PAQR5: variants seen among roughly 807,000 people sequenced by gnomAD.
PAQR5 encodes the protein membrane progestin receptor gamma.
A neutral mutation model predicts 34.5 loss-of-function variants in PAQR5; 20 were observed. That is an observed-to-expected ratio of 0.58 (90% CI 0.41 to 0.84). The LOEUF (loss-of-function observed/expected upper bound fraction) is 0.84. PAQR5 is among the 40% of genes least tolerant of loss of function. The pLI, the probability that PAQR5 is intolerant of heterozygous loss-of-function variation, is 0.00. For missense variants in PAQR5, 378 were observed against 412.7 expected (o/e 0.92, Z 0.73); for synonymous variants, 131 against 155.6 (o/e 0.84, Z 1.18).
chr15:69,302,765 G>A (rs557039191), intron 1 of PAQR5, among the ~76,000 whole-genome samples: 177 of 152,206 alleles, frequency 1.2e-3, no homozygotes, highest in Non-Finnish European at 2.0e-3. Context: ...GCTCAAGCCC[G>A]TGAACAAACC....
chr15:69,346,501 T>G (rs2054776797), intron 2 of PAQR5, among the ~76,000 whole-genome samples: 2 of 151,940 alleles, frequency 1.3e-5, no homozygotes, highest in South Asian at 4.2e-4. Flanking sequence ...GGTATCACTA[T>G]GTTGCCCAGG....
intron 3 of PAQR5, among the ~76,000 whole-genome samples, chr15:69,378,437 A>AC (rs1491128141): frequency 3.2e-4 from 1 of 3,086 alleles, no homozygotes; most frequent in Non-Finnish European, 1.4e-3. Context: ...ACCCTGTCTC[A>AC]AAAAAAAAAA....
At chr15:69,348,389 A>G (rs2054827062) in intron 2 of PAQR5, among the ~76,000 whole-genome samples, 1 of 152,198 alleles carries the variant, frequency 6.6e-6, no homozygotes, top group African/African-American at 2.4e-5. Context: ...TTGCACAGGA[A>G]ACGGTGAAGC....
At chr15:69,309,552 G>A (rs1394050728) in intron 1 of PAQR5, among the ~76,000 whole-genome samples, 3 of 152,144 alleles carry the variant, frequency 2.0e-5, no homozygotes, top group African/African-American at 7.2e-5. Context: ...GATCTCACTG[G>A]GAAGAGTTTT....
intron 4 of PAQR5, among the ~76,000 whole-genome samples, chr15:69,380,531 G>A (rs1457324700): frequency 6.6e-6 from 1 of 152,202 alleles, no homozygotes; most frequent in Non-Finnish European, 1.5e-5. Context: ...ACAACTGGGA[G>A]GCACTTGGTC....
At chr15:69,313,440 C>T (rs2053873422) in intron 1 of PAQR5, among the ~76,000 whole-genome samples, 1 of 151,934 alleles carries the variant, frequency 6.6e-6, no homozygotes, top group African/African-American at 2.4e-5. Context: ...GCTGAAGCTG[C>T]AGTGAGCTGT....
At position 69,344,292 on chromosome 15, in the gene PAQR5, G is replaced by A. The variant is rs1414557474; in HGVS notation, c.-116+6791G>A. ...AGTGTTTATCTGGGCTCATTCAGAG[G>A]AGTGGCCTCTTTGGGGTATACCATA... On this transcript the variant is annotated intron_variant, in intron 2 of 8. Transcript: ENST00000395407. Among the ~76,000 whole-genome samples the A allele has an allele frequency of 2.0e-5, 3 of 152,198 alleles. No individual in the cohort carries two copies. The East Asian group carries it at 5.8e-4, about 29-fold the overall frequency.
At chr15:69,399,276 G>C (rs1413647525) in intron 7 of PAQR5, among the ~76,000 whole-genome samples, 1 of 152,158 alleles carries the variant, frequency 6.6e-6, no homozygotes, top group African/African-American at 2.4e-5. Context: ...AACATGGGTT[G>C]GAACTTTACA....
Position 69,403,641 on chromosome 15 carries a change from C to T in PAQR5, c.812C>T (p.Ala271Val). Residue 271 changes from alanine (A) to valine (V), a missense_variant, in exon 9 of 9, where the codon GCC (alanine) becomes GTC (valine). Physicochemically the swap from Ala to Val is moderately conservative, Grantham distance 64 (BLOSUM62 0). Coordinates refer to ENST00000395407, the MANE Select transcript of PAQR5 (RefSeq NM_017705.4). Reference protein sequence around the residue: ...VILATHMQMEAILLDKTLRKE... With the variant: ...VILATHMQMEVILLDKTLRKE... ...CTGGCCACGCACATGCAGATGGAAG[C>T]CATACTTCTGGACAAGACTCTGAGG... 1 of 1,613,998 alleles carries T rather than the reference C, an allele frequency of 6.2e-7. No homozygotes were observed. Among genetic ancestry groups the T allele is most frequent in the Non-Finnish European group, 8.5e-7 (1 of 1,179,916 alleles).
rs144524899 is a variant in PAQR5, at chr15:69,305,890, G to A, written c.-277+6834G>A. Among the ~76,000 whole-genome samples the A allele has an allele frequency of 3.0e-3, 462 of 152,256 alleles. 3 individuals are homozygous for A. The highest frequency in any genetic ancestry group is 0.011 in the African/African-American group (448 of 41,552). On this transcript the variant is annotated intron_variant, in intron 1 of 8. Coordinates refer to ENST00000395407, the MANE Select transcript of PAQR5 (RefSeq NM_017705.4). Reference sequence around the variant, plus strand: ...GCAGACGATCTTTGGCAGGGGGAGGGGTTTGTTGATGAATATTAGAAGTAA... The same window carrying A: ...GCAGACGATCTTTGGCAGGGGGAGGAGTTTGTTGATGAATATTAGAAGTAA...
intron 4 of PAQR5, chr15:69,380,309 C>T: frequency 3.5e-6 from 1 of 287,268 alleles, no homozygotes; most frequent in Non-Finnish European, 6.6e-6. Context: ...CATCTCCGGT[C>T]TTGGAGACTT....
At chr15:69,300,590 C>CTTCTTTCTTTCTTTCTTTCTTTCT (rs71147600) in intron 1 of PAQR5, among the ~76,000 whole-genome samples, 1 of 41,994 alleles carries the variant, frequency 2.4e-5, no homozygotes, top group Admixed American at 3.1e-4. Context: ...TCTTTCTTTC[C>CTTCTTTCTTTCTTTCTTTCTTTCT]TTCTTTCTTT....
intron 1 of PAQR5, among the ~76,000 whole-genome samples, chr15:69,308,476 G>A (rs1022155407): frequency 1.3e-5 from 2 of 152,014 alleles, no homozygotes; most frequent in African/African-American, 4.8e-5. Context: ...TTGTCGTGTG[G>A]GACTGTCCTG....
intron 1 of PAQR5, among the ~76,000 whole-genome samples, chr15:69,306,595 A>T (rs577609928): frequency 6.6e-6 from 1 of 151,804 alleles, no homozygotes; most frequent in African/African-American, 2.4e-5. Flanking sequence ...AGTAGAGACA[A>T]GGTTTCACCA....
intron 1 of PAQR5, among the ~76,000 whole-genome samples, chr15:69,330,342 G>T (rs1383080466): frequency 4.6e-5 from 7 of 152,138 alleles, no homozygotes; most frequent in Non-Finnish European, 8.8e-5. Flanking sequence ...TGTAGTTTAT[G>T]GTTTAAACAA....
At chr15:69,343,279 G>T (rs1241563252) in intron 2 of PAQR5, among the ~76,000 whole-genome samples, 1 of 152,232 alleles carries the variant, frequency 6.6e-6, no homozygotes, top group Non-Finnish European at 1.5e-5. Context: ...GGTGTATCCA[G>T]AGCTTTTCAT....
intron 1 of PAQR5, among the ~76,000 whole-genome samples, chr15:69,333,385 G>C (rs2054434101): frequency 6.6e-6 from 1 of 152,184 alleles, no homozygotes; most frequent in African/African-American, 2.4e-5. Flanking sequence ...TATTATGAGA[G>C]AGCTTTGGTG....
intron 2 of PAQR5, among the ~76,000 whole-genome samples, chr15:69,346,464 C>T (rs1435901173): frequency 6.6e-6 from 1 of 151,772 alleles, no homozygotes. Context: ...TGCCACCGTG[C>T]CCAGTTAATA....
chr15:69,310,750 G>C (rs1308967560), intron 1 of PAQR5, among the ~76,000 whole-genome samples: 1 of 151,524 alleles, frequency 6.6e-6, no homozygotes, highest in African/African-American at 2.4e-5. Flanking sequence ...TAAGAATTAT[G>C]AGTGTTGGCC....
Sources: gnomAD v4.1 joint callset for allele counts (sites outside exome capture counted in the v4.1 genomes callset) on GRCh38, gnomAD v4.1.1 for gene constraint, MANE v1.5 for transcripts, NCBI Gene and HGNC (gene_info 2026-07-23, HGNC 2026-07-21) for gene names.